Variants in CDYL2 observed in about 807,000 individuals in gnomAD.
CDYL2 encodes the protein chromodomain Y like 2, also known as chromodomain Y-like protein 2.
Under a neutral mutation model 49.4 loss-of-function variants are expected in CDYL2, and 23 were observed. That is an observed-to-expected ratio of 0.47 (90% confidence interval 0.34 to 0.66). The LOEUF (loss-of-function observed/expected upper bound fraction) is 0.66, where lower values mean the gene tolerates loss of function less well. Ranked by LOEUF, CDYL2 falls within the 30% of genes least tolerant of loss-of-function variation. The pLI, the probability that CDYL2 is intolerant of heterozygous loss-of-function variation, is 0.01. For missense variants in CDYL2, 678 were observed against 656.4 expected (o/e 1.03, Z -0.36); for synonymous variants, 360 against 268.8 (o/e 1.34, Z -3.32).
intron 5 of CDYL2, among the ~76,000 whole-genome samples, chr16:80,610,923 C>A (rs919314692): frequency 1.3e-5 from 2 of 152,158 alleles, no homozygotes; most frequent in East Asian, 1.9e-4. Flanking sequence ...AGGCCCAGCA[C>A]CCTCCCCGGC....
chr16:80,777,599 G>A lies in CDYL2; in HGVS notation c.24+26551C>T, dbSNP rs78378731. ...ACATTTTGTACATTTTCAGATAAATGTTAAAATAAGAATAAAATGATGTTC... is the reference window on the plus strand; with the variant it reads ...ACATTTTGTACATTTTCAGATAAATATTAAAATAAGAATAAAATGATGTTC... On this transcript the variant is annotated intron_variant, in intron 1 of 6. Transcript: ENST00000570137. 5.9e-3 allele frequency among the ~76,000 whole-genome samples: 895 copies of A among 152,120 alleles called. 15 individuals are homozygous for A. The highest frequency in any genetic ancestry group is 0.015 in the East Asian group (77 of 5,188).
intron 1 of CDYL2, among the ~76,000 whole-genome samples, chr16:80,703,165 T>C (rs1567577340): frequency 6.6e-6 from 1 of 152,206 alleles, no homozygotes. Context: ...GAGGTGGAGA[T>C]GTTAACAAGA....
rs1274728967 is a variant in CDYL2, at chr16:80,599,480, C to G, written c.*4908G>C. On this transcript the variant is annotated 3_prime_UTR_variant, in exon 7 of 7. Transcript: ENST00000570137. Reference sequence around the variant, plus strand: ...AACAGTCCTGGATAGACATATTCAGCTGATATGTTATGTTCTACATTTAGT... The same window carrying G: ...AACAGTCCTGGATAGACATATTCAGGTGATATGTTATGTTCTACATTTAGT... 1.3e-5 allele frequency: 2 copies of G among 152,174 alleles called. No homozygotes were observed. Among genetic ancestry groups the G allele is most frequent in the African/African-American group, 4.8e-5 (2 of 41,430 alleles). The allele number at this position is 152,174 out of a possible 1,614,324, so 9.4% of individuals were successfully genotyped here.
chr16:80,682,732 C>T (rs1208213950), intron 2 of CDYL2, among the ~76,000 whole-genome samples: 2 of 152,198 alleles, frequency 1.3e-5, no homozygotes, highest in Non-Finnish European at 2.9e-5. Flanking sequence ...CGCCACCCTT[C>T]CTGAGACAGG....
intron 1 of CDYL2, among the ~76,000 whole-genome samples, chr16:80,751,481 A>C (rs1906135327): frequency 6.6e-6 from 1 of 152,204 alleles, no homozygotes; most frequent in Non-Finnish European, 1.5e-5. Context: ...AGCTAAGGAG[A>C]GCTTTCAACA....
At chr16:80,635,103 TA>T in intron 2 of CDYL2, among the ~76,000 whole-genome samples, 1 of 152,164 alleles carries the variant, frequency 6.6e-6, no homozygotes. Context: ...CATCAATGTA[TA>T]AAGGGAATTA....
intron 1 of CDYL2, among the ~76,000 whole-genome samples, chr16:80,699,437 TC>T (rs1189910412): frequency 6.6e-6 from 1 of 152,222 alleles, no homozygotes; most frequent in African/African-American, 2.4e-5. Flanking sequence ...CCACTAGTAC[TC>T]ACTCATACGT....
At chr16:80,673,135 T>C (rs1019770840) in intron 2 of CDYL2, among the ~76,000 whole-genome samples, 5 of 151,714 alleles carry the variant, frequency 3.3e-5, no homozygotes, top group Non-Finnish European at 7.4e-5. Flanking sequence ...CTGGCCAACA[T>C]GGTGAAACCC....
intron 4 of CDYL2, among the ~76,000 whole-genome samples, chr16:80,616,131 C>A (rs932814794): frequency 6.6e-6 from 1 of 152,184 alleles, no homozygotes; most frequent in South Asian, 2.1e-4. Flanking sequence ...GCAACAACTT[C>A]AGAATCTGAA....
chr16:80,741,229 T>C (rs1451830656), intron 1 of CDYL2, among the ~76,000 whole-genome samples: 1 of 151,090 alleles, frequency 6.6e-6, no homozygotes, highest in African/African-American at 2.4e-5. Context: ...AATGGTATTT[T>C]AGATTCTAGA....
chr16:80,731,394 CA>C (rs1905321583), intron 1 of CDYL2, among the ~76,000 whole-genome samples: 1 of 151,816 alleles, frequency 6.6e-6, no homozygotes, highest in African/African-American at 2.4e-5. Flanking sequence ...AACAAAAGTT[CA>C]AAAAAGTGAG....
chr16:80,770,888 G>C (rs1264684210), intron 1 of CDYL2, among the ~76,000 whole-genome samples: 1 of 152,194 alleles, frequency 6.6e-6, no homozygotes, highest in African/African-American at 2.4e-5. Flanking sequence ...CAAGATCTGG[G>C]AGAAAACAGA....
chr16:80,780,038 T>C (rs1035854223), intron 1 of CDYL2, among the ~76,000 whole-genome samples: 4 of 152,152 alleles, frequency 2.6e-5, no homozygotes, highest in Non-Finnish European at 4.4e-5. Flanking sequence ...CTGTATCTGA[T>C]TGCAAACCTC....
chr16:80,680,547 C>G (rs931137218), intron 2 of CDYL2, among the ~76,000 whole-genome samples: 1 of 152,112 alleles, frequency 6.6e-6, no homozygotes, highest in African/African-American at 2.4e-5. Context: ...CAAGGCAGAA[C>G]CACAGCAAGG....
intron 2 of CDYL2, among the ~76,000 whole-genome samples, chr16:80,636,597 C>T (rs1006270455): frequency 9.2e-5 from 14 of 152,270 alleles, no homozygotes; most frequent in African/African-American, 1.9e-4. Flanking sequence ...AGCTTTTACA[C>T]TTTTGGTGGG....
intron 1 of CDYL2, among the ~76,000 whole-genome samples, chr16:80,791,654 T>C (rs888159279): frequency 2.0e-5 from 3 of 152,130 alleles, no homozygotes; most frequent in Non-Finnish European, 4.4e-5. Flanking sequence ...ACGGACAGTG[T>C]CCCAGTCATT....
intron 2 of CDYL2, among the ~76,000 whole-genome samples, chr16:80,655,395 C>A (rs1043632957): frequency 6.6e-6 from 1 of 152,122 alleles, no homozygotes; most frequent in African/African-American, 2.4e-5. Flanking sequence ...GGGCCTGTGC[C>A]CTCATGGAGC....
intron 1 of CDYL2, among the ~76,000 whole-genome samples, chr16:80,777,924 C>A (rs1175013576): frequency 1.3e-5 from 2 of 151,934 alleles, no homozygotes; most frequent in Non-Finnish European, 2.9e-5. Context: ...ATTCTAAACA[C>A]TCACAGCTGC....
intron 2 of CDYL2, among the ~76,000 whole-genome samples, chr16:80,648,874 A>T (rs1220562019): frequency 6.6e-6 from 1 of 152,170 alleles, no homozygotes. Flanking sequence ...ACATCATATC[A>T]ACAGAATGAT....
Sources: gnomAD v4.1 joint callset for allele counts (sites outside exome capture counted in the v4.1 genomes callset) on GRCh38, gnomAD v4.1.1 for gene constraint, MANE v1.5 for transcripts, NCBI Gene and HGNC (gene_info 2026-07-23, HGNC 2026-07-21) for gene names.